SCRN1: variants seen among roughly 807,000 people sequenced by gnomAD.
The protein encoded by SCRN1 is secernin 1, also known as secernin-1.
SCRN1 carries 19 observed loss-of-function variants against 43.3 expected under a neutral mutation model. The observed-to-expected ratio is 0.44, with a 90% CI of 0.31 to 0.64. The LOEUF is 0.64. Ranked by LOEUF, SCRN1 falls within the 30% of genes least tolerant of loss-of-function variation. The pLI, the probability that SCRN1 is intolerant of heterozygous loss-of-function variation, is 0.09. For synonymous variants in SCRN1, 183 were observed against 188.9 expected (o/e 0.97, Z 0.26); for missense variants, 447 against 524.1 (o/e 0.85, Z 1.44).
rs1788460533 is a variant in SCRN1 at position 29,965,577 on chromosome 7, G to A, written c.159+3332C>T. On this transcript the variant is annotated intron_variant, in intron 2 of 7. Transcript: ENST00000242059. This position sits in a 1 kb window ranked among gnomAD's most constrained non-coding sequence, Gnocchi z 4.2. Reference sequence around the variant, plus strand: ...GTTACAGCAACATATATGAGCTGGGGGAAATGAATTTGCTTTCTTACCCGT... The same window carrying A: ...GTTACAGCAACATATATGAGCTGGGAGAAATGAATTTGCTTTCTTACCCGT... Among the ~76,000 whole-genome samples the A allele has an allele frequency of 6.6e-6, 1 of 152,128 alleles. No individual in the cohort carries two copies. The highest frequency in any genetic ancestry group is 2.4e-5 in the African/African-American group (1 of 41,424).
chr7:29,985,829 G>A (rs533593807), intron 1 of SCRN1, among the ~76,000 whole-genome samples: 12 of 152,172 alleles, frequency 7.9e-5, no homozygotes, highest in Admixed American at 1.3e-4. Context: ...TCCCTTTTCC[G>A]TCCATCCTGT....
In SCRN1 at chr7:29,923,949, C is replaced by A. The variant is rs191349402; in HGVS notation, c.*8G>T. 2.5e-6 allele frequency: 4 copies of A among 1,603,186 alleles called. No individual in the cohort carries two copies. The African/African-American group carries it at 5.4e-5, about 22-fold the overall frequency. ...TCTTAAATAAGAAGGGGAAAGGGAA[C>A]GCTTACTTCACTTAAAGAACTTAAT... On this transcript the variant is annotated 3_prime_UTR_variant, in exon 8 of 8. Transcript: ENST00000242059.
chr7:29,961,778 T>G (rs1217564907), intron 2 of SCRN1, among the ~76,000 whole-genome samples: 2 of 145,580 alleles, frequency 1.4e-5, no homozygotes, highest in African/African-American at 5.1e-5. Flanking sequence ...GGCAGGGGGC[T>G]GACCCCCCCA....
In SCRN1 at chr7:29,923,993, A is replaced by G. The variant is rs1786855733; in HGVS notation, c.1209T>C (p.Tyr403=). The G allele has an allele frequency of 5.6e-6, 9 of 1,613,994 alleles. No homozygotes were observed. The highest frequency in any genetic ancestry group is 7.6e-6 in the Non-Finnish European group (9 of 1,180,002). Residue 403 remains tyrosine, a synonymous_variant, in exon 8 of 8, where the codon TAT becomes TAC. Transcript: ENST00000242059. The stretch of plus-strand genomic sequence containing the variant: ...ACTTAATCTCCGTGTCAACACAGTC[A>G]TAGAAAAGGTCCCCCACTTCCGCAG... ...LDPAEVGDLF[Y]DCVDTEIKFF... is the part of the protein sequence containing the mutation.
At chr7:29,938,499 G>A (rs1249474187) in intron 5 of SCRN1, among the ~76,000 whole-genome samples, 1 of 152,256 alleles carries the variant, frequency 6.6e-6, no homozygotes, top group African/African-American at 2.4e-5. Context: ...ACTGTGACAT[G>A]TTCATGATGG....
At chr7:29,940,093 G>A (rs1288254043) in intron 5 of SCRN1, among the ~76,000 whole-genome samples, 1 of 152,108 alleles carries the variant, frequency 6.6e-6, no homozygotes, top group African/African-American at 2.4e-5. Flanking sequence ...TTCAGGAGGT[G>A]GAAGCTGCAG....
At chr7:29,981,101 C>T (rs981260636) in intron 1 of SCRN1, among the ~76,000 whole-genome samples, 2 of 151,748 alleles carry the variant, frequency 1.3e-5, no homozygotes, top group Admixed American at 1.3e-4. Flanking sequence ...TTTCTAAAAT[C>T]TGATCATTTC....
Position 29,969,233 on chromosome 7 carries a change from G to A in SCRN1, c.-1-165C>T. On this transcript the variant is annotated intron_variant, in intron 1 of 7. Transcript: ENST00000242059. Reference sequence around the variant, plus strand: ...GGCAAATGAAGGTGGGACGCCTGCAGTGGAATGACAGAGCCACCGAGACCA... The same window carrying A: ...GGCAAATGAAGGTGGGACGCCTGCAATGGAATGACAGAGCCACCGAGACCA... 3.0e-6 allele frequency: 2 copies of A among 665,050 alleles called. 1 individual carries two copies. Among genetic ancestry groups the A allele is most frequent in the Middle Eastern group, 8.4e-4 (2 of 2,378 alleles). 41.2% of individuals were successfully genotyped at this position (665,050 alleles called of 1,614,324 possible).
chr7:29,988,853 A>T lies in SCRN1; in HGVS notation c.-2+789T>A, dbSNP rs900871083. Reference sequence around the variant, plus strand: ...TTATTCCCAAATCCGAGTTCTCGCCAATTCTCTAAAGTTCAAGCGCCCCTC... The same window carrying T: ...TTATTCCCAAATCCGAGTTCTCGCCTATTCTCTAAAGTTCAAGCGCCCCTC... On this transcript the variant is annotated intron_variant, in intron 1 of 7. Coordinates refer to ENST00000242059, the MANE Select transcript of SCRN1 (RefSeq NM_014766.5). 2.6e-5 allele frequency: 4 copies of T among 152,390 alleles called. 1 individual carries two copies. Among genetic ancestry groups the T allele is most frequent in the African/African-American group, 9.6e-5 (4 of 41,586 alleles). The allele number at this position is 152,390 out of a possible 1,614,324, so 9.4% of individuals were successfully genotyped here.
At chr7:29,932,347 A>T (rs1333013119) in intron 6 of SCRN1, among the ~76,000 whole-genome samples, 1 of 152,134 alleles carries the variant, frequency 6.6e-6, no homozygotes, top group Non-Finnish European at 1.5e-5. Context: ...TGAATTATCT[A>T]GATGGTAATA....
At chr7:29,944,277 G>T in intron 3 of SCRN1, 98 bp from the exon 4 acceptor site, 1 of 989,770 alleles carries the variant, frequency 1.0e-6, no homozygotes, top group Non-Finnish European at 1.6e-6. Flanking sequence ...TATGAAGCAT[G>T]CCAACATGTG....
At chr7:29,925,854 CAA>C (rs59395122) in intron 7 of SCRN1, among the ~76,000 whole-genome samples, 29 of 83,964 alleles carry the variant, frequency 3.5e-4, no homozygotes, top group Non-Finnish European at 4.0e-4. Flanking sequence ...ACTAAAAATA[CAA>C]AAAAAAAAAA....
At chr7:29,936,494 G>T in intron 6 of SCRN1, 62 bp downstream of exon 6, 1 of 1,413,202 alleles carries the variant, frequency 7.1e-7, no homozygotes, top group Non-Finnish European at 9.5e-7. Context: ...CTACGCACTT[G>T]CTGAATGAGC....
chr7:29,987,677 T>G (rs889500671), intron 1 of SCRN1, among the ~76,000 whole-genome samples: 1 of 152,252 alleles, frequency 6.6e-6, no homozygotes, highest in Non-Finnish European at 1.5e-5. Flanking sequence ...TAATTCATAT[T>G]ACAGTTTGGC....
At chr7:29,925,565 C>A (rs543450417) in intron 7 of SCRN1, among the ~76,000 whole-genome samples, 1 of 152,264 alleles carries the variant, frequency 6.6e-6, no homozygotes, top group South Asian at 2.1e-4. Flanking sequence ...ATATAAAGTC[C>A]ATCGGGGTGG....
chr7:29,956,040 G>A (rs1788125443), intron 2 of SCRN1, among the ~76,000 whole-genome samples: 1 of 152,218 alleles, frequency 6.6e-6, no homozygotes, highest in Non-Finnish European at 1.5e-5. Flanking sequence ...CAACTTAGTG[G>A]TGCATCTTAC....
chr7:29,955,487 T>G, intron 2 of SCRN1, 127 bp from the exon 3 acceptor site: 3 of 823,596 alleles, frequency 3.6e-6, no homozygotes, highest in Admixed American at 2.8e-5. Context: ...GCCTTGGGAA[T>G]ACCCTGATTT....
At position 29,921,278 on chromosome 7, in the gene SCRN1, A is replaced by G. The variant is rs938642414; in HGVS notation, c.*2679T>C. 5.2e-5 allele frequency: 8 copies of G among 152,652 alleles called. No individual in the cohort carries two copies. Among genetic ancestry groups the G allele is most frequent in the African/African-American group, 1.7e-4 (7 of 41,466 alleles). The allele number at this position is 152,652 out of a possible 1,614,324, so 9.5% of individuals were successfully genotyped here. ...ATAATTTTTGTATTTCATCTTGAAT[A>G]TTCATGTTCCCTATACTGCCTTCAG... On this transcript the variant is annotated 3_prime_UTR_variant, in exon 8 of 8. Transcript: ENST00000242059.
rs1339316898 is a variant in SCRN1, at chr7:29,956,190, T to C, written c.160-830A>G. On this transcript the variant is annotated intron_variant, in intron 2 of 7. Transcript: ENST00000242059. The stretch of plus-strand genomic sequence containing the variant: ...AGAATCATAAGCACAATAAAATCAG[T>C]CAAAGTATGTCCAGGCAAAGGGAGG... Among the ~76,000 whole-genome samples the C allele has an allele frequency of 2.0e-5, 3 of 152,176 alleles. No homozygotes were observed. The South Asian group carries it at 6.2e-4, about 32-fold the overall frequency.
Sources: gnomAD v4.1 joint callset for allele counts (sites outside exome capture counted in the v4.1 genomes callset) on GRCh38, gnomAD v4.1.1 for gene constraint, Gnocchi (gnomAD v3.1) non-coding constraint, MANE v1.5 for transcripts, NCBI Gene and HGNC (gene_info 2026-07-23, HGNC 2026-07-21) for gene names.